Variants in UGT1A8 observed in about 807,000 individuals in gnomAD.
The protein encoded by UGT1A8 is UDP glucuronosyltransferase family 1 member A8, also known as UDP-glucuronosyltransferase 1A8.
In UGT1A8, 39 loss-of-function variants were observed where a neutral mutation model predicts 45.3. That is an observed-to-expected ratio of 0.86 (90% confidence interval 0.67 to 1.12). The LOEUF (loss-of-function observed/expected upper bound fraction) is 1.12, where lower values mean the gene tolerates loss of function less well. Among genes scored for constraint, UGT1A8 ranks in the 50% most tolerant of loss-of-function variants. The pLI is 0.00. For missense variants in UGT1A8, 719 were observed against 664.9 expected (o/e 1.08, Z -0.90); for synonymous variants, 275 against 249.2 (o/e 1.10, Z -0.97).
At chr2:233,700,738 A>T (rs1433623509) in intron 1 of UGT1A8, among the ~76,000 whole-genome samples, 3 of 152,020 alleles carry the variant, frequency 2.0e-5, no homozygotes, top group Non-Finnish European at 4.4e-5. Context: ...TATTATTATT[A>T]TACTTTAAGT....
At position 233,617,978 on chromosome 2, in the gene UGT1A8, A is replaced by G. The variant is rs780578872; in HGVS notation, c.271A>G (p.Met91Val). Residue 91 changes from methionine (M) to valine (V), a missense_variant, in exon 1 of 5, where the codon ATG (methionine) becomes GTG (valine). Coordinates refer to ENST00000373450, the MANE Select transcript of UGT1A8 (RefSeq NM_019076.5). ...TCTGGAGGATCTGGACCGGGAATTCATGGATTTCGCCGATGCTCAATGGAA... is the reference window on the plus strand; with the variant it reads ...TCTGGAGGATCTGGACCGGGAATTCGTGGATTTCGCCGATGCTCAATGGAA... ...YTLEDLDREF[M>V]DFADAQWKAQ... 12 of 1,614,200 alleles carry G rather than the reference A, an allele frequency of 7.4e-6. No individual in the cohort carries two copies. The highest frequency in any genetic ancestry group is 9.3e-6 in the Non-Finnish European group (11 of 1,180,048).
intron 1 of UGT1A8, among the ~76,000 whole-genome samples, chr2:233,667,595 A>G (rs2074104713): frequency 6.6e-6 from 1 of 152,244 alleles, no homozygotes. Context: ...GTGAACAGGC[A>G]ACTTACAGAA....
At chr2:233,693,768 T>C in intron 1 of UGT1A8, 3 of 1,614,198 alleles carry the variant, frequency 1.9e-6, no homozygotes, top group Non-Finnish European at 2.5e-6. Context: ...GTTTGGCTGT[T>C]AAGATATGAC....
chr2:233,700,815 G>T (rs940523054), intron 1 of UGT1A8, among the ~76,000 whole-genome samples: 1 of 151,950 alleles, frequency 6.6e-6, no homozygotes, highest in African/African-American at 2.4e-5. Flanking sequence ...TTGGTGTGCT[G>T]CACCCATTAA....
intron 1 of UGT1A8, among the ~76,000 whole-genome samples, chr2:233,621,743 A>T (rs1196253178): frequency 6.6e-6 from 1 of 151,860 alleles, no homozygotes; most frequent in Non-Finnish European, 1.5e-5. Flanking sequence ...TCTTTTTTTA[A>T]ATTATACTTT....
intron 1 of UGT1A8, among the ~76,000 whole-genome samples, chr2:233,638,290 T>C (rs961653425): frequency 1.3e-5 from 2 of 152,244 alleles, no homozygotes; most frequent in Admixed American, 6.5e-5. Context: ...CTTTAGAAAC[T>C]ATTTTGTACA....
At chr2:233,664,492 T>C (rs1339272289) in intron 1 of UGT1A8, among the ~76,000 whole-genome samples, 1 of 152,236 alleles carries the variant, frequency 6.6e-6, no homozygotes, top group Non-Finnish European at 1.5e-5. Flanking sequence ...CTCAAGATTT[T>C]GCAGGCTGTA....
Position 233,617,719 on chromosome 2 carries a change from A to C in UGT1A8, c.12A>C (p.Thr4=). Residue 4 remains threonine (T), a synonymous_variant, in exon 1 of 5, where the codon ACA becomes ACC. Coordinates refer to ENST00000373450, the MANE Select transcript of UGT1A8 (RefSeq NM_019076.5). Reference sequence around the variant, plus strand: ...GCTGCAGTTCTCTCATGGCTCGCACAGGGTGGACCAGCCCCATTCCCCTAT... The same window carrying C: ...GCTGCAGTTCTCTCATGGCTCGCACCGGGTGGACCAGCCCCATTCCCCTAT... MAR[T]GWTSPIPLCV... 6.2e-7 allele frequency: 1 copy of C among 1,613,162 alleles called. No individual in the cohort carries two copies. The highest frequency in any genetic ancestry group is 8.5e-7 in the Non-Finnish European group (1 of 1,179,532).
In UGT1A8 at chr2:233,624,382, A is replaced by G. The variant is rs555492086; in HGVS notation, c.855+5820A>G. ...CAGTGTGTGTTTGCCTGACATTTTT[A>G]TCATGGTTAAACTGGGGTTATAGGT... On this transcript the variant is annotated intron_variant, in intron 1 of 4. Transcript: ENST00000373450. Among the ~76,000 whole-genome samples, 4 of 152,212 alleles carry G rather than the reference A, an allele frequency of 2.6e-5. No individual in the cohort carries two copies. The East Asian group carries it at 7.7e-4, about 29-fold the overall frequency.
In UGT1A8 at chr2:233,768,530, C is replaced by T. The variant is rs181512709; in HGVS notation, c.1295+91C>T. On this transcript the variant is annotated intron_variant, in intron 4 of 4. Transcript: ENST00000373450. ...AAAACATTTACGTAGCATTTAATAG[C>T]GTTGTTTCAAATATAAAAACAAATA... 249 of 1,496,408 alleles carry T rather than the reference C, an allele frequency of 1.7e-4. No homozygotes were observed. In the African/African-American group the frequency reaches 3.2e-3, roughly 19 times the overall value. The allele number at this position is 1,496,408 out of a possible 1,614,324, so 92.7% of individuals were successfully genotyped here. A position where few individuals can be genotyped will look rare whatever the true frequency, so the allele number is the denominator to read the frequency against.
chr2:233,672,249 A>G, intron 1 of UGT1A8: 1 of 1,614,208 alleles, frequency 6.2e-7, no homozygotes, highest in Non-Finnish European at 8.5e-7. Context: ...TACGAAGTAT[A>G]TATTCTCTAT....
In UGT1A8 at chr2:233,733,917, G is replaced by T. The variant is rs753783737; in HGVS notation, c.856-33117G>T. On this transcript the variant is annotated intron_variant, in intron 1 of 4. Coordinates refer to ENST00000373450, the MANE Select transcript of UGT1A8 (RefSeq NM_019076.5). ...GTTTGTACCTCTCTGGTAGAATTCG[G>T]CTGTGAGGAAGGGGAACATCACATA... Among the ~76,000 whole-genome samples the T allele has an allele frequency of 9.2e-5, 14 of 152,092 alleles. No homozygotes were observed. The East Asian group carries it at 9.7e-4, about 11-fold the overall frequency.
chr2:233,729,355 C>G lies in UGT1A8; in HGVS notation c.856-37679C>G. ...CATCAAAGAAGAGAACTTTTTCACC[C>G]TGACAACCTATGCCATTTCGTGGAC... On this transcript the variant is annotated intron_variant, in intron 1 of 4. Transcript: ENST00000373450. 6.2e-7 allele frequency: 1 copy of G among 1,614,166 alleles called. No individual in the cohort carries two copies. Among genetic ancestry groups the G allele is most frequent in the Non-Finnish European group, 8.5e-7 (1 of 1,180,000 alleles).
chr2:233,695,872 G>A (rs888904752), intron 1 of UGT1A8, among the ~76,000 whole-genome samples: 2 of 152,048 alleles, frequency 1.3e-5, no homozygotes, highest in African/African-American at 4.8e-5. Context: ...AACAAACAAC[G>A]CAGAAAACTT....
At chr2:233,621,960 T>A (rs1168716539) in intron 1 of UGT1A8, among the ~76,000 whole-genome samples, 2 of 152,172 alleles carry the variant, frequency 1.3e-5, no homozygotes, top group Admixed American at 1.3e-4. Context: ...AACTCCTACT[T>A]ACGAGTGAGA....
At chr2:233,671,828 A>G in intron 1 of UGT1A8, 2 of 1,451,656 alleles carry the variant, frequency 1.4e-6, no homozygotes, top group East Asian at 2.4e-5. Context: ...ATGAAAGGAT[A>G]AAAACACGCC....
At chr2:233,689,813 A>G (rs1208335304) in intron 1 of UGT1A8, 1 of 441,808 alleles carries the variant, frequency 2.3e-6, no homozygotes, top group Non-Finnish European at 4.5e-6. Flanking sequence ...ATAGGAAACC[A>G]AACATCTCTG....
At position 233,718,759 on chromosome 2, in the gene UGT1A8, G is replaced by A; in HGVS notation, c.856-48275G>A. 4 of 1,612,576 alleles carry A rather than the reference G, an allele frequency of 2.5e-6. 1 individual carries two copies. In the Admixed American group the frequency reaches 5.0e-5, roughly 20 times the overall value. On this transcript the variant is annotated intron_variant, in intron 1 of 4. Transcript: ENST00000373450. ...TCAATGACAAGGTAATTAAGGCGAAGGAAACAAATGTAGCAGGCACAGCGT... is the reference window on the plus strand; with the variant it reads ...TCAATGACAAGGTAATTAAGGCGAAAGAAACAAATGTAGCAGGCACAGCGT...
chr2:233,645,147 G>A (rs907730422), intron 1 of UGT1A8, among the ~76,000 whole-genome samples: 3 of 152,210 alleles, frequency 2.0e-5, no homozygotes, highest in Non-Finnish European at 2.9e-5. Flanking sequence ...ACAAAGCATC[G>A]ATGAAAGCAA....
Sources: allele counts gnomAD v4.1 joint callset (sites outside exome capture counted in the v4.1 genomes callset), GRCh38; gene constraint gnomAD v4.1.1; transcripts MANE v1.5; gene names NCBI Gene and HGNC (gene_info 2026-07-23, HGNC 2026-07-21).